Variants in TSPAN18 observed in about 807,000 individuals in gnomAD.
TSPAN18 encodes the protein tetraspanin 18.
In TSPAN18, 14 loss-of-function variants were observed where a neutral mutation model predicts 27.3. That is an observed-to-expected ratio of 0.51 (90% CI 0.34 to 0.80). TSPAN18 has a LOEUF of 0.80. Ranked by LOEUF, TSPAN18 falls within the 30% of genes least tolerant of loss-of-function variation. The probability of loss-of-function intolerance (pLI) is 0.01; values close to 1 mark genes in which losing one functional copy is unlikely to be tolerated. For synonymous variants in TSPAN18, 143 were observed against 136.5 expected (o/e 1.05, Z -0.33); for missense variants, 268 against 323.9 (o/e 0.83, Z 1.32).
chr11:44,904,031 C>T (rs1224617466), intron 3 of TSPAN18: 1 of 366,956 alleles, frequency 2.7e-6, no homozygotes, highest in Non-Finnish European at 5.4e-6. Context: ...GGTGGATGAT[C>T]TCAGGAAAAC....
At chr11:44,864,143 C>T (rs575487112) in intron 3 of TSPAN18, among the ~76,000 whole-genome samples, 61 of 152,028 alleles carry the variant, frequency 4.0e-4, no homozygotes, top group African/African-American at 1.3e-3. Flanking sequence ...AAAAATTAGC[C>T]GGGTGTGGTG....
intron 1 of TSPAN18, among the ~76,000 whole-genome samples, chr11:44,760,261 G>C (rs1009227597): frequency 2.6e-5 from 4 of 152,222 alleles, no homozygotes; most frequent in African/African-American, 9.6e-5. Context: ...GGAGAGGGCA[G>C]AGCGGGGAAC....
intron 1 of TSPAN18, among the ~76,000 whole-genome samples, chr11:44,748,955 C>G (rs1320221639): frequency 6.6e-6 from 1 of 152,168 alleles, no homozygotes; most frequent in Non-Finnish European, 1.5e-5. Context: ...TTGCAACAAC[C>G]CTACAGGTTA....
At chr11:44,906,743 C>T (rs548105840) in intron 4 of TSPAN18, among the ~76,000 whole-genome samples, 17 of 152,278 alleles carry the variant, frequency 1.1e-4, no homozygotes, top group African/African-American at 3.8e-4. Context: ...GACCTAGGTC[C>T]GGCCACTGTC....
intron 1 of TSPAN18, among the ~76,000 whole-genome samples, chr11:44,759,180 G>A (rs944163673): frequency 1.3e-5 from 2 of 152,206 alleles, no homozygotes; most frequent in Non-Finnish European, 2.9e-5. Context: ...ACTGGAGCTT[G>A]GCTTAGACAC....
chr11:44,930,968 G>A lies in TSPAN18; in HGVS notation c.*1790G>A. 2.0e-6 allele frequency: 1 copy of A among 493,916 alleles called. No homozygotes were observed. Among genetic ancestry groups the A allele is most frequent in the Non-Finnish European group, 4.2e-6 (1 of 240,432 alleles). 30.6% of individuals were successfully genotyped at this position (493,916 alleles called of 1,614,324 possible). A position where few individuals can be genotyped will look rare whatever the true frequency, so the allele number is the denominator to read the frequency against. On this transcript the variant is annotated 3_prime_UTR_variant, in exon 10 of 10. Transcript: ENST00000520358. ...GGGACACTCGGAGCCACAGCCTAGA[G>A]CCCCGTGTTCCCTGGCCTGTGCGTC...
intron 2 of TSPAN18, among the ~76,000 whole-genome samples, chr11:44,842,759 A>C (rs1261738159): frequency 6.6e-6 from 1 of 152,252 alleles, no homozygotes; most frequent in African/African-American, 2.4e-5. Flanking sequence ...TCCATTTAGG[A>C]ATCACATATA....
intron 8 of TSPAN18, 32 bp downstream of exon 8, chr11:44,920,031 G>A (rs1288374732): frequency 6.3e-7 from 1 of 1,594,056 alleles, no homozygotes; most frequent in Middle Eastern, 1.7e-4. Flanking sequence ...CAGGGGAGTG[G>A]GTCTATCGGG....
In TSPAN18 at chr11:44,866,442, G is replaced by A. The variant is rs867522105; in HGVS notation, c.-11+5973G>A. 7.2e-5 allele frequency among the ~76,000 whole-genome samples: 11 copies of A among 152,304 alleles called. No individual in the cohort carries two copies. The South Asian group carries it at 1.5e-3, about 20-fold the overall frequency. On this transcript the variant is annotated intron_variant, in intron 3 of 9. Transcript: ENST00000520358. The stretch of plus-strand genomic sequence containing the variant: ...GGACTTGAGCCCACACAGGGGCCCC[G>A]CAGACAGGCTTCTTTGCCAATCTCA...
At chr11:44,844,743 G>T (rs931335800) in intron 2 of TSPAN18, among the ~76,000 whole-genome samples, 1 of 152,068 alleles carries the variant, frequency 6.6e-6, no homozygotes, top group African/African-American at 2.4e-5. Flanking sequence ...GTCTTTTCTT[G>T]TAGATAAGTG....
chr11:44,914,807 C>T (rs901064521), intron 5 of TSPAN18, among the ~76,000 whole-genome samples: 11 of 152,272 alleles, frequency 7.2e-5, no homozygotes, highest in East Asian at 3.9e-4. Context: ...ATGTAAGATC[C>T]GCAGTGTCTG....
At chr11:44,807,093 C>A (rs936350002) in intron 2 of TSPAN18, among the ~76,000 whole-genome samples, 2 of 150,796 alleles carry the variant, frequency 1.3e-5, no homozygotes, top group Non-Finnish European at 2.9e-5. Flanking sequence ...GACAGTCACT[C>A]ACACTTGTAA....
At chr11:44,833,778 G>A (rs747505007) in intron 2 of TSPAN18, among the ~76,000 whole-genome samples, 5 of 151,798 alleles carry the variant, frequency 3.3e-5, no homozygotes, top group Non-Finnish European at 4.4e-5. Flanking sequence ...CACCCCACCT[G>A]GGCCTTGATT....
At chr11:44,820,091 C>G (rs989818973) in intron 2 of TSPAN18, among the ~76,000 whole-genome samples, 8 of 152,186 alleles carry the variant, frequency 5.3e-5, no homozygotes, top group African/African-American at 1.9e-4. Flanking sequence ...CCCCTGCGAC[C>G]AGCAAATGGA....
chr11:44,827,460 A>G (rs1028283411), intron 2 of TSPAN18, among the ~76,000 whole-genome samples: 9 of 152,180 alleles, frequency 5.9e-5, no homozygotes, highest in African/African-American at 1.9e-4. Flanking sequence ...GTGATTCTGC[A>G]AGGAGACTGG....
Position 44,777,102 on chromosome 11 carries a change from C to T in TSPAN18, c.-153+12590C>T, listed in dbSNP as rs373840356. ...CTTAGGAGCGGACCTAGATGGGAGA[C>T]TTCTGCCCTGCCATGGCCCCTGAAG... is the stretch of plus-strand genomic sequence containing the variant. On this transcript the variant is annotated intron_variant, in intron 2 of 9. Coordinates refer to ENST00000520358, the MANE Select transcript of TSPAN18 (RefSeq NM_130783.5). Among the ~76,000 whole-genome samples, 470 of 152,350 alleles carry T rather than the reference C, an allele frequency of 3.1e-3. 1 individual carries two copies. Among genetic ancestry groups the T allele is most frequent in the African/African-American group, 0.011 (453 of 41,582 alleles).
In TSPAN18 at chr11:44,926,653, CCT is replaced by C; in HGVS notation, c.616-17_616-16del. On this transcript the variant is annotated intron_variant, in intron 8 of 9. Coordinates refer to ENST00000520358, the MANE Select transcript of TSPAN18 (RefSeq NM_130783.5). ...ACTCTCAACCCTGGCCATAGCTTGA[CCT>C]CTCATCCCTCCCTCCCAGGGCTGTT... The C allele has an allele frequency of 6.2e-7, 1 of 1,612,160 alleles. No homozygotes were observed. Among genetic ancestry groups the C allele is most frequent in the Non-Finnish European group, 8.5e-7 (1 of 1,178,194 alleles).
chr11:44,843,070 A>G (rs978356014), intron 2 of TSPAN18, among the ~76,000 whole-genome samples: 1 of 152,160 alleles, frequency 6.6e-6, no homozygotes, highest in Non-Finnish European at 1.5e-5. Context: ...ACATGATTTT[A>G]TGATCCTTCC....
At chr11:44,865,673 T>A (rs1858016760) in intron 3 of TSPAN18, among the ~76,000 whole-genome samples, 1 of 152,212 alleles carries the variant, frequency 6.6e-6, no homozygotes. Context: ...AGACTAGAAC[T>A]TTTCTTCTTT....
Sources: gnomAD v4.1 joint callset for allele counts (sites outside exome capture counted in the v4.1 genomes callset) on GRCh38, gnomAD v4.1.1 for gene constraint, MANE v1.5 for transcripts, NCBI Gene and HGNC (gene_info 2026-07-23, HGNC 2026-07-21) for gene names.